Variants in POC1A observed in about 807,000 individuals in gnomAD.
POC1A encodes the protein POC1 centriolar protein homolog A.
In POC1A, 34 loss-of-function variants were observed where a neutral mutation model predicts 47.8. That is an observed-to-expected ratio of 0.71 (90% CI 0.54 to 0.95). The LOEUF (loss-of-function observed/expected upper bound fraction) is 0.95. POC1A is among the 40% of genes least tolerant of loss of function. The pLI is 0.00. For missense variants in POC1A, 466 were observed against 528.3 expected (o/e 0.88, Z 1.16); for synonymous variants, 177 against 207.6 (o/e 0.85, Z 1.27).
intron 7 of POC1A, among the ~76,000 whole-genome samples, chr3:52,132,038 T>C (rs1704232799): frequency 6.6e-6 from 1 of 152,306 alleles, no homozygotes; most frequent in East Asian, 1.9e-4. Context: ...TAAAACGGCA[T>C]GACATCATTT....
chr3:52,096,599 G>A lies in POC1A; in HGVS notation c.1095C>T (p.His365=). 6.2e-7 allele frequency: 1 copy of A among 1,601,976 alleles called. No homozygotes were observed. The highest frequency in any genetic ancestry group is 8.5e-7 in the Non-Finnish European group (1 of 1,174,540). ...TGAGGACATCCAGCTGGCCCACAAT[G>A]TGCTCCAGCGTGCTAGTCAGTGTCT... ...VPQTLTSTLE[H]IVGQLDVLTQ... The change falls in exon 10 of 11, where the codon CAC becomes CAT. Residue 365 remains histidine, a synonymous_variant. Transcript: ENST00000296484.
At chr3:52,122,549 G>A in intron 8 of POC1A, 72 bp from the exon 9 acceptor site, 1 of 954,476 alleles carries the variant, frequency 1.0e-6, no homozygotes, top group Non-Finnish European at 1.7e-6. Context: ...GAGGAAATGG[G>A]CTCAGAGGCC....
At chr3:52,117,657 A>C (rs376335321) in intron 9 of POC1A, among the ~76,000 whole-genome samples, 1 of 152,076 alleles carries the variant, frequency 6.6e-6, no homozygotes, top group Non-Finnish European at 1.5e-5. Flanking sequence ...TAATGTGTGA[A>C]CCGGACAGCA....
At chr3:52,096,892 C>T (rs1041698011) in intron 9 of POC1A, among the ~76,000 whole-genome samples, 180 bp from the exon 10 acceptor site, 2 of 152,244 alleles carry the variant, frequency 1.3e-5, no homozygotes, top group African/African-American at 4.8e-5. Context: ...CACACACATA[C>T]CTTTCCAGGC....
chr3:52,075,593 G>A lies in POC1A; in HGVS notation c.*294C>T, dbSNP rs1042008019. 3 of 246,674 alleles carry A rather than the reference G, an allele frequency of 1.2e-5. No homozygotes were observed. Among genetic ancestry groups the A allele is most frequent in the African/African-American group, 2.2e-5 (1 of 46,230 alleles). 15.3% of individuals were successfully genotyped at this position (246,674 alleles called of 1,614,324 possible). A position where few individuals can be genotyped will look rare whatever the true frequency, so the allele number is the denominator to read the frequency against. ...GGGGGAGCCACAATCTCAGGACCCC[G>A]AAGGAGCAGACATTTTCAAGTGGCT... is the stretch of plus-strand genomic sequence containing the variant. On this transcript the variant is annotated 3_prime_UTR_variant, in exon 11 of 11. Transcript: ENST00000296484.
chr3:52,122,335 C>T, intron 9 of POC1A, 44 bp downstream of exon 9: 1 of 1,136,322 alleles, frequency 8.8e-7, no homozygotes, highest in Non-Finnish European at 1.3e-6. Flanking sequence ...TGACCTAGCC[C>T]ACCAGAGTCA....
At chr3:52,137,243 C>T (rs1704507120) in intron 7 of POC1A, among the ~76,000 whole-genome samples, 2 of 152,124 alleles carry the variant, frequency 1.3e-5, no homozygotes, top group African/African-American at 4.8e-5. Context: ...GCCTATGTCC[C>T]CATCCCCTAG....
intron 9 of POC1A, among the ~76,000 whole-genome samples, chr3:52,116,118 T>G (rs186480955): frequency 5.3e-4 from 80 of 152,036 alleles, no homozygotes; most frequent in African/African-American, 1.8e-3. Flanking sequence ...GCACCTGGAG[T>G]GAGAACCCAG....
intron 7 of POC1A, among the ~76,000 whole-genome samples, chr3:52,135,129 T>C (rs1363196967): frequency 6.6e-6 from 1 of 152,212 alleles, no homozygotes; most frequent in Non-Finnish European, 1.5e-5. Flanking sequence ...CAGGCCCCTG[T>C]GATGTGGCCT....
intron 10 of POC1A, among the ~76,000 whole-genome samples, chr3:52,085,791 C>T (rs1355922734): frequency 6.6e-6 from 1 of 152,262 alleles, no homozygotes; most frequent in Non-Finnish European, 1.5e-5. Flanking sequence ...CTTTGTAAAA[C>T]ACACCTCTCA....
chr3:52,138,114 G>A (rs978483843), intron 7 of POC1A, 55 bp downstream of exon 7: 2 of 1,596,072 alleles, frequency 1.3e-6, no homozygotes, highest in East Asian at 2.2e-5. Context: ...CCACTGCCCA[G>A]ACAGTGAAGG....
chr3:52,125,747 G>A (rs899035986), intron 7 of POC1A, among the ~76,000 whole-genome samples: 6 of 152,144 alleles, frequency 3.9e-5, no homozygotes, highest in East Asian at 1.9e-4. Flanking sequence ...AATGTGACAC[G>A]TCTCTCTAAT....
At chr3:52,104,468 T>C (rs1703105353) in intron 9 of POC1A, among the ~76,000 whole-genome samples, 1 of 152,194 alleles carries the variant, frequency 6.6e-6, no homozygotes, top group African/African-American at 2.4e-5. Flanking sequence ...AATGTTACTA[T>C]TCGTAAATTA....
intron 10 of POC1A, among the ~76,000 whole-genome samples, chr3:52,078,884 T>A (rs1702200005): frequency 6.6e-6 from 1 of 152,218 alleles, no homozygotes; most frequent in Admixed American, 6.5e-5. Context: ...AATGCCCCAC[T>A]GGGCATCCAA....
At chr3:52,103,423 G>C (rs950396258) in intron 9 of POC1A, among the ~76,000 whole-genome samples, 6 of 152,218 alleles carry the variant, frequency 3.9e-5, no homozygotes, top group Non-Finnish European at 8.8e-5. Flanking sequence ...CTATTAGGGA[G>C]GCTAAGGCAG....
intron 10 of POC1A, among the ~76,000 whole-genome samples, chr3:52,087,698 T>A (rs1453263895): frequency 6.6e-6 from 1 of 152,058 alleles, no homozygotes; most frequent in Non-Finnish European, 1.5e-5. Context: ...CTTTTCCATA[T>A]CACTCTTTCC....
intron 1 of POC1A, among the ~76,000 whole-genome samples, chr3:52,152,838 T>C (rs1698600501): frequency 6.6e-6 from 1 of 152,198 alleles, no homozygotes; most frequent in South Asian, 2.1e-4. Flanking sequence ...TAAAACCGAC[T>C]GAAGTGCTGA....
intron 9 of POC1A, among the ~76,000 whole-genome samples, chr3:52,115,600 C>T (rs1248976572): frequency 6.6e-6 from 1 of 152,088 alleles, no homozygotes; most frequent in African/African-American, 2.4e-5. Context: ...GAGGTGGGGC[C>T]TTTGGGAGGT....
intron 4 of POC1A, among the ~76,000 whole-genome samples, chr3:52,147,497 G>A (rs1333494427): frequency 2.0e-5 from 3 of 151,942 alleles, no homozygotes; most frequent in Non-Finnish European, 4.4e-5. Flanking sequence ...GCAGTGGTGT[G>A]ATCTCAGCTC....
Sources: gnomAD v4.1 joint callset for allele counts (sites outside exome capture counted in the v4.1 genomes callset) on GRCh38, gnomAD v4.1.1 for gene constraint, MANE v1.5 for transcripts, NCBI Gene and HGNC (gene_info 2026-07-23, HGNC 2026-07-21) for gene names.